UBXN2B: variants seen among roughly 807,000 people sequenced by gnomAD.
UBXN2B encodes UBX domain-containing protein 2B.
In UBXN2B, 19 loss-of-function variants were observed where a neutral mutation model predicts 37.5. That is an observed-to-expected ratio of 0.51 (90% CI 0.35 to 0.74). UBXN2B has a LOEUF of 0.74. Ranked by LOEUF, UBXN2B falls within the 30% of genes least tolerant of loss-of-function variation. The pLI is 0.01. For missense variants in UBXN2B, 370 were observed against 393.2 expected, an observed-to-expected ratio of 0.94 and a Z score of 0.50; for synonymous variants, 145 against 143.8, an observed-to-expected ratio of 1.01 and a Z score of -0.06.
In UBXN2B at chr8:58,429,363, G is replaced by A. The variant is rs1408169625; in HGVS notation, c.189-1156G>A. 3.3e-5 allele frequency among the ~76,000 whole-genome samples: 5 copies of A among 152,290 alleles called. No homozygotes were observed. In the East Asian group the frequency reaches 5.8e-4, roughly 18 times the overall value. On this transcript the variant is annotated intron_variant, in intron 2 of 7. Coordinates refer to ENST00000399598, the MANE Select transcript of UBXN2B (RefSeq NM_001077619.2). The stretch of plus-strand genomic sequence containing the variant: ...CTTGTCTTAAAAGCCAACTAGGGCA[G>A]TGTTCAACCTTGCTTGCTACTCTGG...
chr8:58,447,607 A>ATAT lies in UBXN2B; in HGVS notation c.*56_*57insTAT. The ATAT allele has an allele frequency of 2.8e-6, 4 of 1,427,482 alleles. No individual in the cohort carries two copies. Among genetic ancestry groups the ATAT allele is most frequent in the Non-Finnish European group, 3.7e-6 (4 of 1,073,136 alleles). 88.4% of individuals were successfully genotyped at this position (1,427,482 alleles called of 1,614,324 possible). A position where few individuals can be genotyped will look rare whatever the true frequency, so the allele number is the denominator to read the frequency against. ...GAATAGATGATGTGCCGTATTAATA[A>ATAT]GGACAATACTTCAGCATTAAAAACA... On this transcript the variant is annotated 3_prime_UTR_variant, in exon 8 of 8. Transcript: ENST00000399598.
At chr8:58,426,450 C>A in intron 2 of UBXN2B, 2 of 650,298 alleles carry the variant, frequency 3.1e-6, no homozygotes, top group Admixed American at 4.0e-5. Context: ...CTTTGTGATC[C>A]GCCCTCCTCA....
intron 2 of UBXN2B, among the ~76,000 whole-genome samples, chr8:58,429,891 G>A (rs774752688): frequency 2.6e-5 from 4 of 152,144 alleles, no homozygotes; most frequent in South Asian, 4.1e-4. Context: ...TTAATCTTAC[G>A]TAAAGGTAAT....
chr8:58,434,529 TTTG>T (rs758643400), intron 5 of UBXN2B, 25 bp downstream of exon 5: 6 of 1,479,944 alleles, frequency 4.1e-6, no homozygotes, highest in Non-Finnish European at 5.5e-6. Flanking sequence ...TTGTATTCTA[TTTG>T]TTATGTAGAG....
At chr8:58,426,685 T>C (rs1808101980) in intron 2 of UBXN2B, 1 of 723,736 alleles carries the variant, frequency 1.4e-6, no homozygotes, top group Non-Finnish European at 2.6e-6. Flanking sequence ...TACAATGTCA[T>C]GTTCCTCCCA....
intron 3 of UBXN2B, among the ~76,000 whole-genome samples, chr8:58,432,527 C>T (rs1173773736): frequency 6.6e-6 from 1 of 151,816 alleles, no homozygotes; most frequent in Admixed American, 6.6e-5. Flanking sequence ...GGACTACAGG[C>T]ACCCGCCACC....
chr8:58,440,786 C>T (rs868748218), intron 6 of UBXN2B, among the ~76,000 whole-genome samples: 1 of 152,062 alleles, frequency 6.6e-6, no homozygotes, highest in Non-Finnish European at 1.5e-5. Flanking sequence ...GGAAAAAATT[C>T]AATATTGCTT....
intron 2 of UBXN2B, chr8:58,424,567 C>G: frequency 9.7e-7 from 1 of 1,027,482 alleles, no homozygotes; most frequent in South Asian, 1.3e-5. Context: ...TATTTTTGTG[C>G]TGAAGTTTTG....
At chr8:58,435,142 C>T in intron 5 of UBXN2B, 1 of 1,376,688 alleles carries the variant, frequency 7.3e-7, no homozygotes, top group East Asian at 2.9e-5. Context: ...AGATATGCAA[C>T]TAAAGACATA....
intron 2 of UBXN2B, chr8:58,425,895 C>T: frequency 8.4e-7 from 1 of 1,195,822 alleles, no homozygotes; most frequent in Non-Finnish European, 1.2e-6. Context: ...TTGTTCTCCC[C>T]TTTGTCATCA....
chr8:58,447,568 G>T lies in UBXN2B; in HGVS notation c.*17G>T. The stretch of plus-strand genomic sequence containing the variant: ...CTAAAATAATATTGTTCCTGTCCAT[G>T]CAGTAGCATGTGGGAATAGATGATG... On this transcript the variant is annotated 3_prime_UTR_variant, in exon 8 of 8. Transcript: ENST00000399598. The T allele has an allele frequency of 6.3e-7, 1 of 1,578,626 alleles. No homozygotes were observed. The highest frequency in any genetic ancestry group is 8.6e-7 in the Non-Finnish European group (1 of 1,158,914).
At chr8:58,422,922 C>T (rs1488611481) in intron 2 of UBXN2B, among the ~76,000 whole-genome samples, 1 of 152,200 alleles carries the variant, frequency 6.6e-6, no homozygotes, top group Admixed American at 6.5e-5. Context: ...TTGCTAATAT[C>T]CTTGGTTTTC....
intron 3 of UBXN2B, among the ~76,000 whole-genome samples, chr8:58,432,221 C>T (rs1194804661): frequency 6.6e-6 from 1 of 152,028 alleles, no homozygotes; most frequent in African/African-American, 2.4e-5. Context: ...TACAGCTTTA[C>T]ATTTAAAGCT....
At chr8:58,445,806 A>G (rs1332595468) in intron 6 of UBXN2B, 101 bp from the exon 7 acceptor site, 2 of 1,022,386 alleles carry the variant, frequency 2.0e-6, no homozygotes, top group African/African-American at 1.7e-5. Context: ...TGAAAGAAGT[A>G]TAGGAGACTC....
chr8:58,440,278 A>G (rs1383919430), intron 6 of UBXN2B, among the ~76,000 whole-genome samples: 1 of 152,252 alleles, frequency 6.6e-6, no homozygotes, highest in East Asian at 1.9e-4. Context: ...GATACCTTAC[A>G]TCACAACTTA....
At chr8:58,421,879 C>T (rs886557193) in intron 2 of UBXN2B, among the ~76,000 whole-genome samples, 1 of 152,176 alleles carries the variant, frequency 6.6e-6, no homozygotes, top group African/African-American at 2.4e-5. Flanking sequence ...TAAATGAAAT[C>T]AATATAACAA....
chr8:58,442,750 A>G (rs1427735365), intron 6 of UBXN2B, among the ~76,000 whole-genome samples: 2 of 152,214 alleles, frequency 1.3e-5, no homozygotes, highest in Non-Finnish European at 2.9e-5. Context: ...GTCATTTTTA[A>G]TAGGGAGGAC....
chr8:58,425,885 T>C, intron 2 of UBXN2B: 3 of 1,176,000 alleles, frequency 2.6e-6, no homozygotes, highest in Admixed American at 1.7e-5. Context: ...CTTGCCGTTA[T>C]TGTTCTCCCC....
rs1490845882 is a variant in UBXN2B, at chr8:58,448,295, T to A, written c.*744T>A. 1 of 151,742 alleles carries A rather than the reference T, an allele frequency of 6.6e-6. No homozygotes were observed. Among genetic ancestry groups the A allele is most frequent in the African/African-American group, 2.4e-5 (1 of 41,282 alleles). The allele number at this position is 151,742 out of a possible 1,614,324, so 9.4% of individuals were successfully genotyped here. On this transcript the variant is annotated 3_prime_UTR_variant, in exon 8 of 8. Transcript: ENST00000399598. ...TTCAAAAGATTCTCCTGCCTTAGCC[T>A]CCCAAGTAGCTGGGATTACAGGCAT...
Sources: gnomAD v4.1 joint callset for allele counts (sites outside exome capture counted in the v4.1 genomes callset) on GRCh38, gnomAD v4.1.1 for gene constraint, MANE v1.5 for transcripts, NCBI Gene and HGNC (gene_info 2026-07-23, HGNC 2026-07-21) for gene names.